Variants in DHRS7B observed in about 807,000 individuals in gnomAD.
The protein encoded by DHRS7B is dehydrogenase/reductase 7B.
In DHRS7B, 24 loss-of-function variants were observed where a neutral mutation model predicts 26.4. That is an observed-to-expected ratio of 0.91 (90% CI 0.66 to 1.28). DHRS7B has a LOEUF of 1.28. Among genes scored for constraint, DHRS7B ranks in the 50% most tolerant of loss-of-function variants. DHRS7B has a pLI of 0.00. For missense variants in DHRS7B, 368 were observed against 419.4 expected, an observed-to-expected ratio of 0.88 and a Z score of 1.07; for synonymous variants, 142 against 166.4, an observed-to-expected ratio of 0.85 and a Z score of 1.13.
intron 1 of DHRS7B, among the ~76,000 whole-genome samples, chr17:21,134,860 C>T (rs1162531657): frequency 6.6e-6 from 1 of 152,132 alleles, no homozygotes; most frequent in Non-Finnish European, 1.5e-5. Context: ...GATCAGCAAA[C>T]ATTTTAAGCA....
intron 1 of DHRS7B, among the ~76,000 whole-genome samples, chr17:21,156,739 C>A (rs1973889731): frequency 6.6e-6 from 1 of 151,692 alleles, no homozygotes; most frequent in Non-Finnish European, 1.5e-5. Flanking sequence ...ATGGTGAAAC[C>A]CTGTCTCTAC....
Position 21,129,180 on chromosome 17 carries a change from T to C in DHRS7B, c.20+2189T>C, listed in dbSNP as rs76545192. ...AAATAAAACTAAATATTAATTACGA[T>C]TGTGATGCATGCTGTGGAGGACAGT... On this transcript the variant is annotated intron_variant, in intron 1 of 6. Transcript: ENST00000395511. 6.1e-3 allele frequency among the ~76,000 whole-genome samples: 922 copies of C among 152,194 alleles called. 9 individuals are homozygous for C. Among genetic ancestry groups the C allele is most frequent in the African/African-American group, 0.021 (883 of 41,528 alleles).
intron 1 of DHRS7B, among the ~76,000 whole-genome samples, chr17:21,169,455 G>A (rs1974187449): frequency 6.6e-6 from 1 of 152,098 alleles, no homozygotes; most frequent in Non-Finnish European, 1.5e-5. Flanking sequence ...CAGGAGGGAG[G>A]TCCTCTCACA....
rs776999822 is a variant in DHRS7B, at chr17:21,172,057, C to G, written c.60C>G (p.Thr20=). ...AGGTGAAGGCCATGGACTTCATCAC[C>G]TCCACAGCCATCCTGCCCCTGCTGT... is the stretch of plus-strand genomic sequence containing the variant. ...LPKVKAMDFI[T]STAILPLLFG... The change falls in exon 2 of 7, where the codon ACC becomes ACG. Residue 20 remains threonine, a synonymous_variant. Coordinates refer to ENST00000395511, the MANE Select transcript of DHRS7B (RefSeq NM_015510.5). The G allele has an allele frequency of 1.2e-6, 2 of 1,614,206 alleles. No individual in the cohort carries two copies. The highest frequency in any genetic ancestry group is 1.1e-5 in the South Asian group (1 of 91,090).
At chr17:21,135,279 A>G (rs1973317352) in intron 1 of DHRS7B, among the ~76,000 whole-genome samples, 1 of 152,210 alleles carries the variant, frequency 6.6e-6, no homozygotes, top group Non-Finnish European at 1.5e-5. Flanking sequence ...ACCAAACACC[A>G]TTTCATATTT....
At position 21,186,532 on chromosome 17, in the gene DHRS7B, G is replaced by T. The variant is rs1974638868; in HGVS notation, c.619+2069G>T. ...ACTGTGCCCCAAACCAATGGAGCAG[G>T]CCCAGCAAGGCACTGCAGCAAGCTC... On this transcript the variant is annotated intron_variant, in intron 5 of 6. Transcript: ENST00000395511. Among the ~76,000 whole-genome samples, 3 of 152,342 alleles carry T rather than the reference G, an allele frequency of 2.0e-5. No individual in the cohort carries two copies. The East Asian group carries it at 5.8e-4, about 29-fold the overall frequency.
In DHRS7B at chr17:21,183,627, G is replaced by A. The variant is rs1323934935; in HGVS notation, c.343G>A (p.Asp115Asn). 1.2e-6 allele frequency: 2 copies of A among 1,613,596 alleles called. No individual in the cohort carries two copies. The highest frequency in any genetic ancestry group is 1.7e-6 in the Non-Finnish European group (2 of 1,180,034). Residue 115 changes from aspartate (D) to asparagine (N), a missense_variant, in exon 4 of 7, where the codon GAC becomes AAC. Asp to Asn is a conservative substitution (Grantham distance 23). Coordinates refer to ENST00000395511, the MANE Select transcript of DHRS7B (RefSeq NM_015510.5). ...QTHKPYLVTF[D>N]LTDSGAIVAA... is the part of the protein sequence containing the mutation. ...ACACAAGCCTTACTTGGTGACCTTC[G>A]ACCTCACAGACTCTGGGGCCATAGT...
intron 1 of DHRS7B, among the ~76,000 whole-genome samples, chr17:21,167,369 G>A (rs1310381832): frequency 6.6e-6 from 1 of 152,170 alleles, no homozygotes; most frequent in Non-Finnish European, 1.5e-5. Context: ...CCTGGGTCTA[G>A]AGCTCATGGA....
chr17:21,191,123 C>A lies in DHRS7B; in HGVS notation c.948C>A (p.Ala316=). 6.2e-7 allele frequency: 1 copy of A among 1,613,860 alleles called. No homozygotes were observed. Residue 316 remains alanine (A), a synonymous_variant, in exon 7 of 7, where the codon GCC becomes GCA. Transcript: ENST00000395511. ...TCTTCAGCCTCATGGCCTCCAGGGC[C>A]AGAAAAGAGCGGAAATCCAAGAACT... The part of the protein sequence containing the change: ...GLFFSLMASR[A]RKERKSKNS
At chr17:21,173,007 A>G (rs766931782) in intron 2 of DHRS7B, among the ~76,000 whole-genome samples, 6 of 152,228 alleles carry the variant, frequency 3.9e-5, no homozygotes, top group Non-Finnish European at 7.3e-5. Context: ...AAAGCTGAGG[A>G]GTTCCCTGAA....
intron 2 of DHRS7B, among the ~76,000 whole-genome samples, chr17:21,177,847 G>A (rs1204932036): frequency 6.6e-6 from 1 of 152,232 alleles, no homozygotes; most frequent in Admixed American, 6.5e-5. Context: ...TCTTGGCAGG[G>A]CACAGCACCA....
intron 1 of DHRS7B, among the ~76,000 whole-genome samples, chr17:21,170,165 C>G (rs1330636810): frequency 6.6e-6 from 1 of 152,192 alleles, no homozygotes; most frequent in East Asian, 1.9e-4. Context: ...ACCATTCCTG[C>G]CTCCCACTGT....
At chr17:21,164,248 C>T (rs192829085) in intron 1 of DHRS7B, among the ~76,000 whole-genome samples, 1,778 of 151,932 alleles carry the variant, frequency 0.012, 13 homozygotes, top group Middle Eastern at 0.031. Flanking sequence ...CCAGGCTGGT[C>T]TCAAACTCCT....
At chr17:21,151,391 G>A (rs986627902) in intron 1 of DHRS7B, among the ~76,000 whole-genome samples, 11 of 151,912 alleles carry the variant, frequency 7.2e-5, no homozygotes, top group African/African-American at 2.4e-4. Context: ...GCAGGCACCT[G>A]TAATCCCAGC....
chr17:21,132,688 C>A (rs1010561087), intron 1 of DHRS7B, among the ~76,000 whole-genome samples: 1 of 152,076 alleles, frequency 6.6e-6, no homozygotes, highest in Non-Finnish European at 1.5e-5. Context: ...CTACTTGTTA[C>A]AAGAGTAGGT....
At chr17:21,170,234 C>T (rs574398169) in intron 1 of DHRS7B, among the ~76,000 whole-genome samples, 5 of 152,298 alleles carry the variant, frequency 3.3e-5, no homozygotes, top group South Asian at 2.1e-4. Flanking sequence ...ATCTTGGTCC[C>T]GTGCAGGACT....
At chr17:21,168,987 ATCT>A (rs1468134511) in intron 1 of DHRS7B, 3 of 875,940 alleles carry the variant, frequency 3.4e-6, no homozygotes, top group Admixed American at 1.2e-4. Context: ...AACTTTAATC[ATCT>A]TCCACTGGGG....
chr17:21,183,446 C>G, intron 3 of DHRS7B, 148 bp from the exon 4 acceptor site: 1 of 651,254 alleles, frequency 1.5e-6, no homozygotes, highest in South Asian at 1.9e-5. Flanking sequence ...CCTTCCTCTG[C>G]TGGTTTTGGG....
intron 5 of DHRS7B, among the ~76,000 whole-genome samples, chr17:21,188,448 T>C (rs953847074): frequency 9.2e-5 from 14 of 152,172 alleles, no homozygotes; most frequent in African/African-American, 3.4e-4. Context: ...AGTCAGGAAA[T>C]GAACATTGTT....
Sources: allele counts gnomAD v4.1 joint callset (sites outside exome capture counted in the v4.1 genomes callset), GRCh38; gene constraint gnomAD v4.1.1; transcripts MANE v1.5; gene names NCBI Gene and HGNC (gene_info 2026-07-23, HGNC 2026-07-21).